Variants in MACROD2 observed in about 807,000 individuals in gnomAD.
MACROD2 encodes the protein mono-ADP ribosylhydrolase 2.
In MACROD2, 36 loss-of-function variants were observed where a neutral mutation model predicts 70.4. The ratio of observed to expected loss-of-function variants is 0.51; its 90% CI spans 0.39 to 0.68. MACROD2 has a LOEUF of 0.68. Among genes scored for constraint, MACROD2 ranks in the 30% least tolerant of loss-of-function variants. The pLI is 0.00. For missense variants in MACROD2, 496 were observed against 538.4 expected (o/e 0.92, Z 0.78); for synonymous variants, 172 against 178.8 (o/e 0.96, Z 0.30).
intron 5 of MACROD2, among the ~76,000 whole-genome samples, chr20:15,162,441 AAT>A (rs2076355375): frequency 6.6e-6 from 1 of 152,064 alleles, no homozygotes; most frequent in Non-Finnish European, 1.5e-5. Context: ...CCAGGAAAAA[AAT>A]CCACCTGCCA....
chr20:15,162,308 A>G (rs383641), intron 5 of MACROD2, among the ~76,000 whole-genome samples: 78,233 of 151,802 alleles, frequency 0.52, 20,254 homozygotes, highest in East Asian at 0.56. Flanking sequence ...GCATTGTGAA[A>G]ATTAATAGCC....
At chr20:15,473,878 C>A (rs2046989980) in intron 7 of MACROD2, among the ~76,000 whole-genome samples, 1 of 152,174 alleles carries the variant, frequency 6.6e-6, no homozygotes, top group Non-Finnish European at 1.5e-5. Context: ...CGTTTTCTAT[C>A]AGCTAAAAGA....
intron 5 of MACROD2, among the ~76,000 whole-genome samples, chr20:15,153,927 G>A (rs1001940397): frequency 6.6e-6 from 1 of 152,136 alleles, no homozygotes; most frequent in Non-Finnish European, 1.5e-5. Flanking sequence ...ATGTTCAAAG[G>A]ATGTCCTCTT....
At chr20:15,137,559 T>C (rs1260236192) in intron 5 of MACROD2, among the ~76,000 whole-genome samples, 1 of 89,930 alleles carries the variant, frequency 1.1e-5, no homozygotes, top group African/African-American at 5.6e-5. Context: ...GGGACTGTTG[T>C]GGGGTGGGGG....
intron 3 of MACROD2, among the ~76,000 whole-genome samples, chr20:14,340,980 C>G (rs1037175876): frequency 6.6e-6 from 1 of 152,112 alleles, no homozygotes; most frequent in East Asian, 1.9e-4. Context: ...AAATGAAAAA[C>G]AACATACACA....
intron 5 of MACROD2, among the ~76,000 whole-genome samples, chr20:15,156,541 C>T (rs463251): frequency 0.59 from 89,571 of 151,928 alleles, 26,544 homozygotes; most frequent in East Asian, 0.65. Flanking sequence ...CTGATAAAAC[C>T]TGTAGTGCTT....
intron 8 of MACROD2, among the ~76,000 whole-genome samples, chr20:15,678,300 A>G (rs1443137970): frequency 6.6e-6 from 1 of 152,022 alleles, no homozygotes; most frequent in African/African-American, 2.4e-5. Context: ...TAGGAGTTTG[A>G]GGCTACAGTG....
intron 6 of MACROD2, among the ~76,000 whole-genome samples, chr20:15,282,463 A>G (rs908416540): frequency 6.6e-6 from 1 of 152,222 alleles, no homozygotes; most frequent in African/African-American, 2.4e-5. Flanking sequence ...CACCCAAGTC[A>G]TATCTTCAAT....
chr20:15,886,219 C>T (rs1167589748), intron 10 of MACROD2, among the ~76,000 whole-genome samples: 2 of 152,148 alleles, frequency 1.3e-5, no homozygotes, highest in Non-Finnish European at 2.9e-5. Flanking sequence ...TCTGAAGATT[C>T]ACTCACTTGT....
chr20:15,774,069 T>A (rs1291586628), intron 8 of MACROD2, among the ~76,000 whole-genome samples: 1 of 152,196 alleles, frequency 6.6e-6, no homozygotes, highest in Non-Finnish European at 1.5e-5. Context: ...CTTCCTGTGT[T>A]TCTTTAATGT....
At chr20:15,358,405 T>A (rs2078313702) in intron 6 of MACROD2, among the ~76,000 whole-genome samples, 1 of 152,108 alleles carries the variant, frequency 6.6e-6, no homozygotes, top group Non-Finnish European at 1.5e-5. Context: ...AGTGACATTC[T>A]AGAATAATCC....
At chr20:15,719,339 A>G (rs993360809) in intron 8 of MACROD2, among the ~76,000 whole-genome samples, 1 of 152,220 alleles carries the variant, frequency 6.6e-6, no homozygotes, top group Non-Finnish European at 1.5e-5. Context: ...GCAAACTAAC[A>G]GAAATTTACT....
chr20:14,395,993 G>A (rs891699794), intron 3 of MACROD2, among the ~76,000 whole-genome samples: 5 of 152,202 alleles, frequency 3.3e-5, no homozygotes, highest in East Asian at 3.8e-4. Context: ...GGACTCAAGT[G>A]ACTGTTCCAC....
rs145717229 is a variant in MACROD2, at chr20:15,655,370, A to C, written c.645+155523A>C. 4.1e-4 allele frequency among the ~76,000 whole-genome samples: 60 copies of C among 147,456 alleles called. 1 individual carries two copies. Among genetic ancestry groups the C allele is most frequent in the African/African-American group, 1.5e-3 (58 of 39,822 alleles). On this transcript the variant is annotated intron_variant, in intron 8 of 17. Coordinates refer to ENST00000684519, the MANE Select transcript of MACROD2 (RefSeq NM_001351661.2). Reference sequence around the variant, plus strand: ...TCTCTTTCTCTGTTGATTTACCGATAGAATATGTGTGTGTCAGGACACTTG... The same window carrying C: ...TCTCTTTCTCTGTTGATTTACCGATCGAATATGTGTGTGTCAGGACACTTG...
chr20:15,479,039 G>A (rs1055432438), intron 7 of MACROD2, among the ~76,000 whole-genome samples: 1 of 152,168 alleles, frequency 6.6e-6, no homozygotes, highest in Non-Finnish European at 1.5e-5. Flanking sequence ...TGAGCATATT[G>A]GTAAAGCACT....
intron 4 of MACROD2, among the ~76,000 whole-genome samples, chr20:14,556,805 A>T (rs1407686030): frequency 6.6e-6 from 1 of 152,088 alleles, no homozygotes; most frequent in Non-Finnish European, 1.5e-5. Flanking sequence ...CAGAGGAAAC[A>T]AAGAGAAAAC....
chr20:14,045,041 A>G (rs572466027), intron 2 of MACROD2, among the ~76,000 whole-genome samples: 1 of 152,292 alleles, frequency 6.6e-6, no homozygotes, highest in East Asian at 1.9e-4. Flanking sequence ...TAAGCCCTTC[A>G]CTGCCTGGGG....
At chr20:15,504,191 A>G (rs573306391) in intron 8 of MACROD2, among the ~76,000 whole-genome samples, 1 of 152,226 alleles carries the variant, frequency 6.6e-6, no homozygotes, top group East Asian at 1.9e-4. Flanking sequence ...CAGGAGGGGG[A>G]AAATCATATT....
In MACROD2 at chr20:14,969,977, C is replaced by T. The variant is rs376534584; in HGVS notation, c.419-259963C>T. Among the ~76,000 whole-genome samples the T allele has an allele frequency of 3.3e-5, 5 of 151,952 alleles. No homozygotes were observed. The East Asian group carries it at 9.7e-4, about 29-fold the overall frequency. ...TATGATCCTTGTCCTCTTCCATCAT[C>T]GTCATCATCATCATTGTAATATATA... On this transcript the variant is annotated intron_variant, in intron 5 of 17. Transcript: ENST00000684519.
Sources: allele counts gnomAD v4.1 joint callset (sites outside exome capture counted in the v4.1 genomes callset), GRCh38; gene constraint gnomAD v4.1.1; transcripts MANE v1.5; gene names NCBI Gene and HGNC (gene_info 2026-07-23, HGNC 2026-07-21).